Variants in AUTS2 observed in about 807,000 individuals in gnomAD.
The protein encoded by AUTS2 is activator of transcription and developmental regulator AUTS2.
AUTS2 carries 17 observed loss-of-function variants against 112.4 expected under a neutral mutation model. The ratio of observed to expected loss-of-function variants is 0.15; its 90% CI spans 0.10 to 0.23. AUTS2 has a LOEUF of 0.23. Ranked by LOEUF, AUTS2 falls within the 10% of genes least tolerant of loss-of-function variation. The pLI is 1.00. For missense variants in AUTS2, 1,510 were observed against 1,701.6 expected, an observed-to-expected ratio of 0.89 and a Z score of 1.98; for synonymous variants, 751 against 702.7, an observed-to-expected ratio of 1.07 and a Z score of -1.09.
At chr7:69,737,248 A>G (rs985328130) in intron 1 of AUTS2, among the ~76,000 whole-genome samples, 2 of 152,140 alleles carry the variant, frequency 1.3e-5, no homozygotes, top group African/African-American at 2.4e-5. Flanking sequence ...TCAACCATTT[A>G]ACTCAATTGA....
chr7:70,076,979 G>T (rs1803065597), intron 2 of AUTS2, among the ~76,000 whole-genome samples: 1 of 152,050 alleles, frequency 6.6e-6, no homozygotes. Context: ...TATAGCCTAG[G>T]GGGATATATG....
At chr7:70,634,299 C>T (rs1053985929) in intron 5 of AUTS2, among the ~76,000 whole-genome samples, 45 of 152,296 alleles carry the variant, frequency 3.0e-4, no homozygotes, top group Middle Eastern at 3.4e-3. Flanking sequence ...GGAGGCTGTG[C>T]GCTGCAGAGC....
intron 2 of AUTS2, among the ~76,000 whole-genome samples, chr7:69,937,340 C>A (rs974211680): frequency 6.6e-6 from 1 of 152,112 alleles, no homozygotes; most frequent in African/African-American, 2.4e-5. Flanking sequence ...CTTTTCCTGC[C>A]GTCGGAAACC....
rs887720483 is a variant in AUTS2 at position 70,016,669 on chromosome 7, T to C, written c.523-101463T>C. ...GAAGGTTGCACAATGCCTTGACAGA[T>C]TTTTTTTTTTTTTTTTGAAACGGAG... On this transcript the variant is annotated intron_variant, in intron 2 of 18. Transcript: ENST00000342771. Among the ~76,000 whole-genome samples the C allele has an allele frequency of 2.3e-5, 3 of 130,940 alleles. No homozygotes were observed. The East Asian group carries it at 6.4e-4, about 28-fold the overall frequency. 85.9% of individuals were successfully genotyped at this position (130,940 alleles called of 152,430 possible). A position where few individuals can be genotyped will look rare whatever the true frequency, so the allele number is the denominator to read the frequency against.
At chr7:69,742,373 T>G (rs1787307244) in intron 1 of AUTS2, among the ~76,000 whole-genome samples, 1 of 152,112 alleles carries the variant, frequency 6.6e-6, no homozygotes, top group Admixed American at 6.6e-5. Flanking sequence ...TTCTTCTCTT[T>G]GAGTCTTGTA....
intron 1 of AUTS2, among the ~76,000 whole-genome samples, chr7:69,601,148 C>T (rs1173219047): frequency 6.6e-6 from 1 of 151,804 alleles, no homozygotes; most frequent in African/African-American, 2.4e-5. Context: ...ACACACCATG[C>T]ACACACACAC....
In AUTS2 at chr7:70,461,819, G is replaced by A. The variant is rs577618358; in HGVS notation, c.690+26038G>A. Among the ~76,000 whole-genome samples, 28 of 152,288 alleles carry A rather than the reference G, an allele frequency of 1.8e-4. No homozygotes were observed. In the East Asian group the frequency reaches 2.5e-3, roughly 14 times the overall value. ...GGTCCTCCGTGGCACCTGGGGACAGGTGGAGGTGGGCGTGGGTTGTCAGGA... is the reference window on the plus strand; with the variant it reads ...GGTCCTCCGTGGCACCTGGGGACAGATGGAGGTGGGCGTGGGTTGTCAGGA... On this transcript the variant is annotated intron_variant, in intron 5 of 18. Coordinates refer to ENST00000342771, the MANE Select transcript of AUTS2 (RefSeq NM_015570.4).
chr7:69,809,179 A>G (rs1424320111), intron 1 of AUTS2, among the ~76,000 whole-genome samples: 1 of 151,564 alleles, frequency 6.6e-6, no homozygotes, highest in African/African-American at 2.4e-5. Context: ...GGTTCACACC[A>G]TTCTCCTGCC....
intron 1 of AUTS2, among the ~76,000 whole-genome samples, chr7:69,892,426 G>C (rs984431506): frequency 6.6e-6 from 1 of 152,138 alleles, no homozygotes; most frequent in South Asian, 2.1e-4. Context: ...TTACAGGTGT[G>C]AGCCATCACA....
intron 5 of AUTS2, among the ~76,000 whole-genome samples, chr7:70,617,064 T>G (rs1804410277): frequency 6.6e-6 from 1 of 152,186 alleles, no homozygotes; most frequent in Non-Finnish European, 1.5e-5. Context: ...TTTTTTCATG[T>G]GATGGTAAGA....
intron 5 of AUTS2, among the ~76,000 whole-genome samples, chr7:70,491,589 T>TTGTG (rs71077660): frequency 0.11 from 14,816 of 138,704 alleles, 980 homozygotes; most frequent in African/African-American, 0.16. Flanking sequence ...TGTATATATA[T>TTGTG]TGTGTGTGTG....
At position 70,096,034 on chromosome 7, in the gene AUTS2, CT is replaced by C. The variant is rs570828838; in HGVS notation, c.523-22097del. Among the ~76,000 whole-genome samples the C allele has an allele frequency of 5.5e-4, 84 of 152,274 alleles. 1 individual carries two copies. Among genetic ancestry groups the C allele is most frequent in the African/African-American group, 1.8e-3 (74 of 41,564 alleles). On this transcript the variant is annotated intron_variant, in intron 2 of 18. Coordinates refer to ENST00000342771, the MANE Select transcript of AUTS2 (RefSeq NM_015570.4). Reference sequence around the variant, plus strand: ...TTCCTCTTCACTGGTATCTCCTCAACTCTGAGTTCAAGACCTACCCTTCTCT... The same window carrying C: ...TTCCTCTTCACTGGTATCTCCTCAACCTGAGTTCAAGACCTACCCTTCTCT...
intron 2 of AUTS2, among the ~76,000 whole-genome samples, chr7:69,995,749 A>G (rs970027750): frequency 1.3e-5 from 2 of 152,082 alleles, no homozygotes; most frequent in African/African-American, 4.8e-5. Context: ...TTCTCAACCC[A>G]TAGAATTCCA....
chr7:70,462,921 G>A (rs1485222029), intron 5 of AUTS2, among the ~76,000 whole-genome samples: 1 of 151,824 alleles, frequency 6.6e-6, no homozygotes, highest in African/African-American at 2.4e-5. Context: ...TTGCGCCACT[G>A]CACTCCAGCC....
At chr7:70,532,621 A>T (rs1178154208) in intron 5 of AUTS2, among the ~76,000 whole-genome samples, 1 of 151,916 alleles carries the variant, frequency 6.6e-6, no homozygotes, top group Non-Finnish European at 1.5e-5. Flanking sequence ...CCCACAAGAA[A>T]CCCCTACGTG....
chr7:70,130,514 CA>C (rs1418576250), intron 3 of AUTS2, among the ~76,000 whole-genome samples: 1 of 152,232 alleles, frequency 6.6e-6, no homozygotes, highest in East Asian at 1.9e-4. Context: ...TCAGCAGCAA[CA>C]TTCTCCCTCC....
chr7:70,616,739 TAG>T (rs1296280225), intron 5 of AUTS2, among the ~76,000 whole-genome samples: 3 of 148,770 alleles, frequency 2.0e-5, no homozygotes, highest in Non-Finnish European at 4.4e-5. Flanking sequence ...CTTCTCAAAA[TAG>T]AGTGTCGAAT....
intron 4 of AUTS2, among the ~76,000 whole-genome samples, chr7:70,408,158 G>T (rs537021052): frequency 1.3e-5 from 2 of 151,812 alleles, no homozygotes; most frequent in East Asian, 3.9e-4. Context: ...TCCCACCTGG[G>T]TGACAGAGCG....
chr7:70,328,010 C>T (rs1432543812), intron 4 of AUTS2, among the ~76,000 whole-genome samples: 1 of 152,156 alleles, frequency 6.6e-6, no homozygotes, highest in East Asian at 1.9e-4. Context: ...GTCCCAACCA[C>T]TGAATTCAGC....
Sources: allele counts gnomAD v4.1 joint callset (sites outside exome capture counted in the v4.1 genomes callset), GRCh38; gene constraint gnomAD v4.1.1; transcripts MANE v1.5; gene names NCBI Gene and HGNC (gene_info 2026-07-23, HGNC 2026-07-21).